Variants in DNAH11 observed in about 807,000 individuals in gnomAD.
DNAH11 encodes dynein axonemal heavy chain 11, also known as axonemal beta dynein heavy chain 11.
DNAH11 carries 442 observed loss-of-function variants against 526.0 expected under a neutral mutation model. That is an observed-to-expected ratio of 0.84 (90% CI 0.78 to 0.91). DNAH11 has a LOEUF of 0.91. Ranked by LOEUF, DNAH11 falls within the 40% of genes least tolerant of loss-of-function variation. The pLI, the probability that DNAH11 is intolerant of heterozygous loss-of-function variation, is 0.00. For missense variants in DNAH11, 6,989 were observed against 5,448.7 expected, an observed-to-expected ratio of 1.28 and a Z score of -8.90; for synonymous variants, 2,461 against 1,935.9, an observed-to-expected ratio of 1.27 and a Z score of -7.12.
At chr7:21,625,047 T>C (rs2128456160) in intron 25 of DNAH11, among the ~76,000 whole-genome samples, 1 of 151,810 alleles carries the variant, frequency 6.6e-6, no homozygotes, top group South Asian at 2.1e-4. Flanking sequence ...AATCATGGCC[T>C]CATAAAGTGA....
chr7:21,571,677 ATTTATT>A (rs958769765), intron 7 of DNAH11, 123 bp from the exon 8 acceptor site: 5 of 664,044 alleles, frequency 7.5e-6, no homozygotes, highest in Non-Finnish European at 1.1e-5. Context: ...TCATGAAAAT[ATTTATT>A]TTCTGTCATT....
chr7:21,779,742 A>G (rs1489496896), intron 57 of DNAH11, among the ~76,000 whole-genome samples: 1 of 152,210 alleles, frequency 6.6e-6, no homozygotes, highest in Non-Finnish European at 1.5e-5. Context: ...AATGGAAGAC[A>G]TAGTTTTGTA....
At chr7:21,690,457 C>G (rs2919229) in intron 34 of DNAH11, among the ~76,000 whole-genome samples, 444 of 152,240 alleles carry the variant, frequency 2.9e-3, no homozygotes, top group South Asian at 6.2e-3. Context: ...GGTAAAAATG[C>G]CATCACCTCC....
chr7:21,897,310 C>T (rs1002681788), intron 79 of DNAH11, among the ~76,000 whole-genome samples: 20 of 151,998 alleles, frequency 1.3e-4, no homozygotes, highest in African/African-American at 4.8e-4. Flanking sequence ...ATGCCCTATA[C>T]TCTTATGTCT....
chr7:21,663,959 G>C (rs919563329), intron 30 of DNAH11, among the ~76,000 whole-genome samples: 17 of 151,838 alleles, frequency 1.1e-4, no homozygotes, highest in African/African-American at 4.1e-4. Context: ...CAGATTGCTG[G>C]ATCATATGGT....
At chr7:21,708,545 T>A (rs1419403785) in intron 40 of DNAH11, among the ~76,000 whole-genome samples, 1 of 152,214 alleles carries the variant, frequency 6.6e-6, no homozygotes, top group East Asian at 1.9e-4. Flanking sequence ...ACTTCTTTGC[T>A]TTTGATTTCT....
At chr7:21,872,715 A>G (rs1476635797) in intron 73 of DNAH11, among the ~76,000 whole-genome samples, 2 of 152,252 alleles carry the variant, frequency 1.3e-5, no homozygotes, top group Non-Finnish European at 2.9e-5. Context: ...AAGGAAAATC[A>G]TCTGTTAGGA....
chr7:21,815,835 C>A (rs1789761499), intron 63 of DNAH11, among the ~76,000 whole-genome samples: 1 of 152,080 alleles, frequency 6.6e-6, no homozygotes, highest in Admixed American at 6.6e-5. Flanking sequence ...AAATGGATTG[C>A]TCTCTCCACC....
At position 21,840,818 on chromosome 7, in the gene DNAH11, A is replaced by G. The variant is rs74589841; in HGVS notation, c.10692-1726A>G. 9.1e-3 allele frequency among the ~76,000 whole-genome samples: 1,382 copies of G among 152,338 alleles called. 25 individuals carry two copies. Among genetic ancestry groups the G allele is most frequent in the African/African-American group, 0.03 (1,257 of 41,570 alleles). ...TTTCAGAGGAAAGGGTTAAGTAGAG[A>G]TGTTGAGGCAGACAAGGATTTGCAG... On this transcript the variant is annotated intron_variant, in intron 65 of 81. Transcript: ENST00000409508.
intron 18 of DNAH11, among the ~76,000 whole-genome samples, chr7:21,603,402 A>C (rs929919253): frequency 2.6e-5 from 4 of 152,168 alleles, no homozygotes; most frequent in African/African-American, 9.7e-5. Flanking sequence ...ATCTGTTTTC[A>C]ATTCTTTTCA....
chr7:21,606,749 A>T lies in DNAH11; in HGVS notation c.3852+16A>T. ...GCTTGATAAGGTAATACAGATCTCA[A>T]ATATCCTGTGTGCATTAAAATAGCT... On this transcript the variant is annotated intron_variant, in intron 20 of 81. Coordinates refer to ENST00000409508, the MANE Select transcript of DNAH11 (RefSeq NM_001277115.2). 4 of 1,588,066 alleles carry T rather than the reference A, an allele frequency of 2.5e-6. No individual in the cohort carries two copies. Among genetic ancestry groups the T allele is most frequent in the Non-Finnish European group, 3.4e-6 (4 of 1,163,312 alleles).
chr7:21,570,535 GTA>G, intron 7 of DNAH11: 2 of 367,036 alleles, frequency 5.4e-6, no homozygotes, highest in South Asian at 1.3e-4. Context: ...TTGAGTATAA[GTA>G]AATCTCTTTA....
chr7:21,768,344 G>T (rs1787272792), intron 55 of DNAH11, among the ~76,000 whole-genome samples: 1 of 152,210 alleles, frequency 6.6e-6, no homozygotes, highest in East Asian at 1.9e-4. Flanking sequence ...ATCAAGAGAA[G>T]CTGCGGTGTT....
intron 75 of DNAH11, among the ~76,000 whole-genome samples, chr7:21,882,670 G>A (rs763006539): frequency 1.3e-5 from 2 of 152,080 alleles, no homozygotes; most frequent in Non-Finnish European, 2.9e-5. Flanking sequence ...GGTGATGCAC[G>A]CCTGTAGTTC....
intron 5 of DNAH11, among the ~76,000 whole-genome samples, chr7:21,562,051 A>T (rs1783479952): frequency 6.6e-6 from 1 of 150,948 alleles, no homozygotes; most frequent in Admixed American, 6.6e-5. Flanking sequence ...GCTCTGTAAG[A>T]TCTGAATTCC....
intron 66 of DNAH11, among the ~76,000 whole-genome samples, chr7:21,847,375 A>G (rs1053945481): frequency 2.6e-5 from 4 of 152,232 alleles, no homozygotes; most frequent in Admixed American, 6.5e-5. Flanking sequence ...AAATTTTGAT[A>G]TGTTGTATTT....
At chr7:21,693,015 A>C (rs1248190165) in intron 35 of DNAH11, among the ~76,000 whole-genome samples, 2 of 152,218 alleles carry the variant, frequency 1.3e-5, no homozygotes, top group Non-Finnish European at 2.9e-5. Flanking sequence ...TGTTAGATAC[A>C]TACATTGCAA....
chr7:21,867,596 G>A (rs1422231146), intron 71 of DNAH11, among the ~76,000 whole-genome samples: 1 of 152,168 alleles, frequency 6.6e-6, no homozygotes, highest in Non-Finnish European at 1.5e-5. Flanking sequence ...GCAGACAGCT[G>A]ATGGCACTCA....
intron 49 of DNAH11, 82 bp downstream of exon 49, chr7:21,742,248 A>G (rs78724239): frequency 1.2e-5 from 17 of 1,441,500 alleles, no homozygotes; most frequent in Non-Finnish European, 1.1e-5. Flanking sequence ...TTATGTCACT[A>G]TAGAGAAACA....
Sources: allele counts gnomAD v4.1 joint callset (sites outside exome capture counted in the v4.1 genomes callset), GRCh38; gene constraint gnomAD v4.1.1; transcripts MANE v1.5; gene names NCBI Gene and HGNC (gene_info 2026-07-23, HGNC 2026-07-21).